CADPS: variants seen among roughly 807,000 people sequenced by gnomAD.
CADPS encodes the protein calcium dependent secretion activator.
A neutral mutation model predicts 167.3 loss-of-function variants in CADPS; 57 were observed. The ratio of observed to expected loss-of-function variants is 0.34; its 90% confidence interval spans 0.28 to 0.42. The LOEUF (loss-of-function observed/expected upper bound fraction) is 0.42. CADPS is among the 20% of genes least tolerant of loss of function. CADPS has a pLI of 1.00. For synonymous variants in CADPS, 676 were observed against 635.3 expected (o/e 1.06, Z -0.96); for missense variants, 1,414 against 1,738.1 (o/e 0.81, Z 3.32).
At chr3:62,751,315 A>G (rs1033348475) in intron 3 of CADPS, among the ~76,000 whole-genome samples, 2 of 152,222 alleles carry the variant, frequency 1.3e-5, no homozygotes, top group Non-Finnish European at 2.9e-5. Flanking sequence ...TGTATAAATT[A>G]CTTTCATATG....
intron 1 of CADPS, among the ~76,000 whole-genome samples, chr3:62,831,796 T>C (rs528050519): frequency 6.6e-6 from 1 of 152,294 alleles, no homozygotes; most frequent in South Asian, 2.1e-4. Flanking sequence ...CTGATCTGAA[T>C]TGACCACTTA....
chr3:62,607,691 G>T (rs942164720), intron 6 of CADPS, among the ~76,000 whole-genome samples: 1 of 152,212 alleles, frequency 6.6e-6, no homozygotes, highest in African/African-American at 2.4e-5. Flanking sequence ...TACGGAAGCT[G>T]TTGTTGGTTT....
chr3:62,687,734 AT>A (rs201429638), intron 3 of CADPS, among the ~76,000 whole-genome samples: 15,741 of 128,110 alleles, frequency 0.12, 691 homozygotes, highest in Middle Eastern at 0.19. Context: ...TTCCCTTCGC[AT>A]TTTTTTTTTT....
chr3:62,527,461 GT>G (rs1420710651), intron 13 of CADPS, among the ~76,000 whole-genome samples: 1 of 151,898 alleles, frequency 6.6e-6, no homozygotes, highest in African/African-American at 2.4e-5. Context: ...GGGGTGGGGG[GT>G]GGGGGAGTGG....
intron 28 of CADPS, among the ~76,000 whole-genome samples, chr3:62,431,396 C>T (rs76162235): frequency 6.6e-6 from 1 of 152,014 alleles, no homozygotes; most frequent in South Asian, 2.1e-4. Flanking sequence ...GTTTAGCCCC[C>T]CCTCAATCTT....
chr3:62,440,355 TAG>T (rs1357973533), intron 27 of CADPS: 1 of 152,216 alleles, frequency 6.6e-6, no homozygotes, highest in East Asian at 1.9e-4. Context: ...CTCTGGGCCT[TAG>T]TTATGCTATC....
intron 1 of CADPS, among the ~76,000 whole-genome samples, chr3:62,812,114 G>T (rs1291439456): frequency 6.6e-6 from 1 of 151,946 alleles, no homozygotes; most frequent in Non-Finnish European, 1.5e-5. Flanking sequence ...AATTATATAC[G>T]GTATGGCTTC....
intron 6 of CADPS, among the ~76,000 whole-genome samples, chr3:62,630,014 A>G (rs1011593733): frequency 1.1e-4 from 17 of 152,022 alleles, no homozygotes; most frequent in Admixed American, 3.9e-4. Context: ...AATTTTTTTC[A>G]TAGAATTCAT....
At chr3:62,751,185 A>G (rs2082619246) in intron 3 of CADPS, among the ~76,000 whole-genome samples, 1 of 152,232 alleles carries the variant, frequency 6.6e-6, no homozygotes, top group Non-Finnish European at 1.5e-5. Context: ...AAATATTATC[A>G]TGACCAATAT....
chr3:62,643,801 G>C (rs2067938671), intron 6 of CADPS, among the ~76,000 whole-genome samples: 1 of 152,294 alleles, frequency 6.6e-6, no homozygotes, highest in East Asian at 1.9e-4. Flanking sequence ...ACACGAAATA[G>C]GTTGTTCTTC....
At chr3:62,821,414 G>T (rs762282015) in intron 1 of CADPS, among the ~76,000 whole-genome samples, 38 of 152,128 alleles carry the variant, frequency 2.5e-4, no homozygotes, top group Non-Finnish European at 5.0e-4. Flanking sequence ...CAGACTCAAG[G>T]TCTTGGCAGG....
intron 27 of CADPS, among the ~76,000 whole-genome samples, chr3:62,443,686 A>T (rs1301425873): frequency 1.3e-5 from 2 of 152,036 alleles, no homozygotes; most frequent in Non-Finnish European, 2.9e-5. Flanking sequence ...GTGAAGAAGG[A>T]CGTGTTTGCT....
intron 1 of CADPS, among the ~76,000 whole-genome samples, chr3:62,850,158 T>G (rs2078262736): frequency 7.4e-6 from 1 of 135,198 alleles, no homozygotes; most frequent in Non-Finnish European, 1.7e-5. Flanking sequence ...TCTATTTGAT[T>G]CTTCTCTCTT....
chr3:62,473,288 A>C (rs761168639), intron 24 of CADPS, among the ~76,000 whole-genome samples: 1 of 152,220 alleles, frequency 6.6e-6, no homozygotes, highest in East Asian at 1.9e-4. Flanking sequence ...TGATCTTGCC[A>C]GGAAGAGAAT....
intron 11 of CADPS, among the ~76,000 whole-genome samples, chr3:62,542,030 T>C (rs1334731430): frequency 6.6e-6 from 1 of 152,214 alleles, no homozygotes; most frequent in Non-Finnish European, 1.5e-5. Flanking sequence ...AGGTCAAATC[T>C]ACCTTTTTAT....
At chr3:62,702,970 T>C (rs75764054) in intron 3 of CADPS, among the ~76,000 whole-genome samples, 2,089 of 152,176 alleles carry the variant, frequency 0.014, 25 homozygotes, top group Middle Eastern at 0.037. Flanking sequence ...GTGAAGTCTC[T>C]TGCCCAGGAT....
At chr3:62,650,758 A>G (rs569594416) in intron 5 of CADPS, 89 bp downstream of exon 5, 219 of 929,368 alleles carry the variant, frequency 2.4e-4, no homozygotes, top group Non-Finnish European at 3.3e-4. Flanking sequence ...CTGGGGTGCA[A>G]CAGAAAAAAC....
intron 1 of CADPS, among the ~76,000 whole-genome samples, chr3:62,805,017 C>G (rs1383693652): frequency 2.0e-5 from 3 of 152,110 alleles, no homozygotes; most frequent in Non-Finnish European, 4.4e-5. Flanking sequence ...GGATTTCTCA[C>G]CTCGGAGCTA....
At chr3:62,517,540 C>T (rs562082293) in intron 14 of CADPS, among the ~76,000 whole-genome samples, 5 of 152,274 alleles carry the variant, frequency 3.3e-5, no homozygotes, top group East Asian at 3.9e-4. Flanking sequence ...ATTACAAATG[C>T]TATTATTATT....
Sources: allele counts gnomAD v4.1 joint callset (sites outside exome capture counted in the v4.1 genomes callset), GRCh38; gene constraint gnomAD v4.1.1; transcripts MANE v1.5; gene names NCBI Gene and HGNC (gene_info 2026-07-23, HGNC 2026-07-21).